Variants in TNFSF4 observed in about 807,000 individuals in gnomAD.
The protein encoded by TNFSF4 is tumor necrosis factor ligand superfamily member 4.
In TNFSF4, 4 loss-of-function variants were observed where a neutral mutation model predicts 7.3. The observed-to-expected ratio is 0.55, with a 90% confidence interval of 0.27 to 1.25. The LOEUF (loss-of-function observed/expected upper bound fraction) is 1.25. Among genes scored for constraint, TNFSF4 ranks in the 50% most tolerant of loss-of-function variants. TNFSF4 has a pLI of 0.12. For missense variants in TNFSF4, 181 were observed against 208.8 expected (o/e 0.87, Z 0.82); for synonymous variants, 76 against 83.7 (o/e 0.91, Z 0.50).
the TNFSF4 span, among the ~76,000 whole-genome samples, chr1:173,261,644 G>T: frequency 6.6e-6 from 1 of 151,992 alleles, no homozygotes; most frequent in African/African-American, 2.4e-5. Flanking sequence ...TGATAAAGAG[G>T]ATATCACCAC....
chr1:173,232,943 C>T, the TNFSF4 span, among the ~76,000 whole-genome samples: 1 of 152,046 alleles, frequency 6.6e-6, no homozygotes, highest in African/African-American at 2.4e-5. Flanking sequence ...CTGAGGAACA[C>T]AGCTCCTCAC....
chr1:173,412,585 T>C, the TNFSF4 span, among the ~76,000 whole-genome samples: 11 of 152,224 alleles, frequency 7.2e-5, no homozygotes, highest in Admixed American at 3.9e-4. Context: ...TTGCAATATA[T>C]GTATTTAGCA....
chr1:173,332,064 T>C, the TNFSF4 span, among the ~76,000 whole-genome samples: 2 of 152,094 alleles, frequency 1.3e-5, no homozygotes, highest in Non-Finnish European at 2.9e-5. Flanking sequence ...CAAATGCCAA[T>C]AGTGATAAGG....
the TNFSF4 span, among the ~76,000 whole-genome samples, chr1:173,323,845 A>C: frequency 6.6e-6 from 1 of 152,244 alleles, no homozygotes; most frequent in Non-Finnish European, 1.5e-5. Flanking sequence ...AAAGCCTGCA[A>C]GAAATATGGG....
the TNFSF4 span, among the ~76,000 whole-genome samples, chr1:173,327,524 G>A: frequency 1.3e-5 from 2 of 151,274 alleles, no homozygotes; most frequent in African/African-American, 2.4e-5. Context: ...AAACTAAAGA[G>A]CTTCTGCACA....
chr1:173,247,734 A>C, the TNFSF4 span, among the ~76,000 whole-genome samples: 1 of 152,198 alleles, frequency 6.6e-6, no homozygotes, highest in Non-Finnish European at 1.5e-5. Context: ...AGTTTATTTG[A>C]AAACTTGATC....
chr1:173,264,209 G>T, the TNFSF4 span, among the ~76,000 whole-genome samples: 1 of 151,988 alleles, frequency 6.6e-6, no homozygotes, highest in Non-Finnish European at 1.5e-5. Context: ...AATGGCATGA[G>T]TGATCACTGC....
chr1:173,393,912 T>A, the TNFSF4 span, among the ~76,000 whole-genome samples: 1 of 152,246 alleles, frequency 6.6e-6, no homozygotes. Flanking sequence ...TGTTTCTTCA[T>A]AGGACATTTG....
At chr1:173,257,782 A>G in the TNFSF4 span, among the ~76,000 whole-genome samples, 5 of 152,158 alleles carry the variant, frequency 3.3e-5, no homozygotes, top group Non-Finnish European at 7.3e-5. Context: ...AGAGAGGCTC[A>G]CCCAAGCTTT....
the TNFSF4 span, among the ~76,000 whole-genome samples, chr1:173,317,637 T>C: frequency 6.6e-6 from 1 of 152,158 alleles, no homozygotes; most frequent in African/African-American, 2.4e-5. Context: ...ATGAAGAAAC[T>C]ATAAAACCAC....
At chr1:173,417,743 T>C in the TNFSF4 span, 12,789 of 152,194 alleles carry the variant, frequency 0.084, 771 homozygotes, top group East Asian at 0.28. Flanking sequence ...CACTCACACA[T>C]GCACACACAC....
chr1:173,181,451 T>C (rs1649054484), downstream of TNFSF4, among the ~76,000 whole-genome samples: 1 of 152,188 alleles, frequency 6.6e-6, no homozygotes, highest in African/African-American at 2.4e-5. Context: ...TTTCCGCTCC[T>C]AACATCCCTC....
the TNFSF4 span, among the ~76,000 whole-genome samples, chr1:173,343,630 T>C: frequency 1.3e-5 from 2 of 152,190 alleles, no homozygotes; most frequent in Non-Finnish European, 2.9e-5. Context: ...CCTCCCCAAA[T>C]TGGATAAGAG....
chr1:173,384,663 AG>A, the TNFSF4 span, among the ~76,000 whole-genome samples: 1 of 152,134 alleles, frequency 6.6e-6, no homozygotes, highest in African/African-American at 2.4e-5. Flanking sequence ...GCAAATTTAG[AG>A]AAAAAAAAGC....
the TNFSF4 span, among the ~76,000 whole-genome samples, chr1:173,271,922 G>T: frequency 6.6e-6 from 1 of 152,032 alleles, no homozygotes; most frequent in African/African-American, 2.4e-5. Context: ...GGCACTATTC[G>T]CAATAGCAAA....
chr1:173,322,292 G>A, the TNFSF4 span, among the ~76,000 whole-genome samples: 21,347 of 151,762 alleles, frequency 0.14, 2,304 homozygotes, highest in African/African-American at 0.3. Context: ...AGAGGGAAGC[G>A]TCTAGGTTTT....
upstream of TNFSF4, among the ~76,000 whole-genome samples, chr1:173,211,784 G>A (rs185563141): frequency 6.6e-6 from 1 of 152,290 alleles, no homozygotes; most frequent in East Asian, 1.9e-4. Context: ...TGAGTAGATT[G>A]TTGATAGGAT....
the TNFSF4 span, chr1:173,362,557 G>T: frequency 1.9e-6 from 1 of 534,290 alleles, no homozygotes. Context: ...TAATGCCTCC[G>T]ATTCTCACAC....
At chr1:173,191,457 C>T (rs1166845809) in intron 1 of TNFSF4, among the ~76,000 whole-genome samples, 1 of 152,184 alleles carries the variant, frequency 6.6e-6, no homozygotes, top group Non-Finnish European at 1.5e-5. Flanking sequence ...ACCATCTTCC[C>T]CCTCATCCTC....
Sources: gnomAD v4.1 joint callset for allele counts (sites outside exome capture counted in the v4.1 genomes callset) on GRCh38, gnomAD v4.1.1 for gene constraint, MANE v1.5 for transcripts, NCBI Gene and HGNC (gene_info 2026-07-23, HGNC 2026-07-21) for gene names.